Variants in ZNF678 observed in about 807,000 individuals in gnomAD.
ZNF678 encodes zinc finger protein 678, also known as hypothetical protein MGC42493.
In ZNF678, 5 loss-of-function variants were observed where a neutral mutation model predicts 3.0. That is an observed-to-expected ratio of 1.69 (90% CI 0.88 to 3.56). ZNF678 has a LOEUF of 3.56. Among genes scored for constraint, ZNF678 ranks in the 30% most tolerant of loss-of-function variants. The probability of loss-of-function intolerance (pLI) is 0.00; values close to 1 mark genes in which losing one functional copy is unlikely to be tolerated. For missense variants in ZNF678, 593 were observed against 605.0 expected (o/e 0.98, Z 0.21); for synonymous variants, 218 against 199.6 (o/e 1.09, Z -0.78).
downstream of ZNF678, among the ~76,000 whole-genome samples, chr1:227,678,224 T>C (rs1172350018): frequency 6.6e-6 from 1 of 152,176 alleles, no homozygotes; most frequent in African/African-American, 2.4e-5. Flanking sequence ...GTACAAGCCC[T>C]CAACAAGAGT....
At chr1:227,670,183 C>T (rs777638987) in intron 5 of ZNF678, among the ~76,000 whole-genome samples, 7 of 152,118 alleles carry the variant, frequency 4.6e-5, no homozygotes, top group East Asian at 1.9e-4. Context: ...GGAAGAGAGA[C>T]GGGCATGTGT....
intron 3 of ZNF678, among the ~76,000 whole-genome samples, chr1:227,652,442 A>C (rs952502933): frequency 6.6e-6 from 1 of 152,032 alleles, no homozygotes; most frequent in Non-Finnish European, 1.5e-5. Flanking sequence ...TTGTTGATGA[A>C]TATTTGAATA....
At chr1:227,614,502 C>T (rs1331954854) in intron 1 of ZNF678, among the ~76,000 whole-genome samples, 1 of 152,168 alleles carries the variant, frequency 6.6e-6, no homozygotes, top group Non-Finnish European at 1.5e-5. Context: ...GTGTCACAGA[C>T]CTTCTTCCCT....
downstream of ZNF678, among the ~76,000 whole-genome samples, chr1:227,663,325 C>T (rs533668088): frequency 2.6e-5 from 4 of 152,298 alleles, no homozygotes; most frequent in African/African-American, 9.6e-5. Flanking sequence ...GTCTTCATGC[C>T]AGTTTCCACC....
chr1:227,621,616 AAGAG>A (rs1658282055), intron 1 of ZNF678, among the ~76,000 whole-genome samples: 1 of 152,186 alleles, frequency 6.6e-6, no homozygotes, highest in Non-Finnish European at 1.5e-5. Flanking sequence ...GAACCTCAGA[AAGAG>A]AGACTGTAGA....
chr1:227,628,596 C>G (rs1372575136), intron 1 of ZNF678, among the ~76,000 whole-genome samples: 2 of 152,210 alleles, frequency 1.3e-5, no homozygotes, highest in African/African-American at 4.8e-5. Flanking sequence ...ACTGAGGGCC[C>G]TGGTGCCTTT....
chr1:227,657,924 C>A lies in ZNF678; in HGVS notation c.*2096C>A, dbSNP rs986080362. On this transcript the variant is annotated 3_prime_UTR_variant, in exon 4 of 4. Coordinates refer to ENST00000343776, the MANE Select transcript of ZNF678 (RefSeq NM_001367909.1). ...TGGCTCAGAATCTTCTCATGCAAAT[C>A]CTGTTTTTTTCTTGTCTGTTGATCA... 2.0e-5 allele frequency: 3 copies of A among 151,870 alleles called. No homozygotes were observed. The highest frequency in any genetic ancestry group is 7.3e-5 in the African/African-American group (3 of 41,378). 9.4% of individuals were successfully genotyped at this position (151,870 alleles called of 1,614,324 possible). A position where few individuals can be genotyped will look rare whatever the true frequency, so the allele number is the denominator to read the frequency against.
At chr1:227,651,120 T>C (rs375048470) in intron 3 of ZNF678, 44 bp downstream of exon 3, 1 of 1,602,202 alleles carries the variant, frequency 6.2e-7, no homozygotes, top group Non-Finnish European at 8.5e-7. Flanking sequence ...ATGAGATCTT[T>C]TCTGGGTTCA....
intron 1 of ZNF678, among the ~76,000 whole-genome samples, chr1:227,644,212 T>C (rs1275974943): frequency 3.3e-5 from 5 of 151,968 alleles, no homozygotes; most frequent in Non-Finnish European, 7.4e-5. Flanking sequence ...GAAAAAGAAA[T>C]AGAAAGGATA....
At chr1:227,574,014 TA>T (rs1656924250) in intron 1 of ZNF678, among the ~76,000 whole-genome samples, 1 of 152,252 alleles carries the variant, frequency 6.6e-6, no homozygotes, top group African/African-American at 2.4e-5. Flanking sequence ...CATTCTTTTT[TA>T]TGGCTGCCTA....
At chr1:227,563,794 C>T (rs1189586070) in intron 1 of ZNF678, 70 bp downstream of exon 1, 3 of 1,275,922 alleles carry the variant, frequency 2.4e-6, no homozygotes, top group Non-Finnish European at 3.1e-6. Flanking sequence ...GAGTCCGCGG[C>T]CCGGAGTCCC....
intron 1 of ZNF678, among the ~76,000 whole-genome samples, chr1:227,602,568 T>C (rs1187054089): frequency 1.3e-5 from 2 of 152,204 alleles, no homozygotes; most frequent in African/African-American, 4.8e-5. Context: ...CTTGAAAATT[T>C]ATGTTTTGTG....
chr1:227,591,220 T>A (rs1011629605), intron 1 of ZNF678, among the ~76,000 whole-genome samples: 1 of 151,480 alleles, frequency 6.6e-6, no homozygotes, highest in African/African-American at 2.4e-5. Context: ...TACTTGAAGA[T>A]CCAGTCCAGC....
chr1:227,670,114 G>A (rs1659575071), intron 5 of ZNF678, among the ~76,000 whole-genome samples: 2 of 152,164 alleles, frequency 1.3e-5, no homozygotes, highest in South Asian at 4.1e-4. Context: ...CAAATACCAC[G>A]TGTTCTCACT....
At chr1:227,673,914 T>TAAACTTACA (rs1379599952) in intron 5 of ZNF678, among the ~76,000 whole-genome samples, 2 of 152,242 alleles carry the variant, frequency 1.3e-5, no homozygotes, top group African/African-American at 4.8e-5. Flanking sequence ...ATGTTTTAAT[T>TAAACTTACA]AAACTTACAT....
chr1:227,589,603 C>T (rs1269319153), intron 1 of ZNF678, among the ~76,000 whole-genome samples: 1 of 151,622 alleles, frequency 6.6e-6, no homozygotes, highest in African/African-American at 2.4e-5. Context: ...GCTCACAACT[C>T]TAAGGGGGTC....
chr1:227,678,038 C>G (rs894168599), downstream of ZNF678, among the ~76,000 whole-genome samples: 14 of 152,176 alleles, frequency 9.2e-5, no homozygotes, highest in African/African-American at 3.1e-4. Context: ...TCAAACTAAT[C>G]AAGAACTCAA....
chr1:227,563,694 G>A lies in ZNF678; in HGVS notation c.-194G>A. The A allele has an allele frequency of 7.5e-7, 1 of 1,333,108 alleles. No homozygotes were observed. Among genetic ancestry groups the A allele is most frequent in the Non-Finnish European group, 1.0e-6 (1 of 1,003,418 alleles). The allele number at this position is 1,333,108 out of a possible 1,614,324, so 82.6% of individuals were successfully genotyped here. A position where few individuals can be genotyped will look rare whatever the true frequency, so the allele number is the denominator to read the frequency against. On this transcript the variant is annotated 5_prime_UTR_variant, in exon 1 of 4. Transcript: ENST00000343776. ...CAGGTACTGGGAGTTACATAGCTAA[G>A]ATGCCAGGACACCCCGAAAGCCGGA...
intron 1 of ZNF678, among the ~76,000 whole-genome samples, chr1:227,576,321 A>G (rs867724340): frequency 1.1e-4 from 16 of 152,228 alleles, no homozygotes; most frequent in African/African-American, 3.9e-4. Flanking sequence ...TTCAGCAGGA[A>G]TGGAACCAGC....
Sources: gnomAD v4.1 joint callset for allele counts (sites outside exome capture counted in the v4.1 genomes callset) on GRCh38, gnomAD v4.1.1 for gene constraint, MANE v1.5 for transcripts, NCBI Gene and HGNC (gene_info 2026-07-23, HGNC 2026-07-21) for gene names.